Variants in CDK8 observed in about 807,000 individuals in gnomAD.
CDK8 encodes cyclin dependent kinase 8, also known as cyclin-dependent kinase 8.
Under a neutral mutation model 71.5 loss-of-function variants are expected in CDK8, and 29 were observed. That is an observed-to-expected ratio of 0.41 (90% CI 0.30 to 0.55). The LOEUF (loss-of-function observed/expected upper bound fraction) is 0.55. Ranked by LOEUF, CDK8 falls within the 20% of genes least tolerant of loss-of-function variation. The pLI is 0.37. For missense variants in CDK8, 288 were observed against 572.6 expected (o/e 0.50, Z 5.07); for synonymous variants, 161 against 192.1 (o/e 0.84, Z 1.34).
At chr13:26,384,377 A>C (rs1875373844) in intron 5 of CDK8, among the ~76,000 whole-genome samples, 1 of 152,204 alleles carries the variant, frequency 6.6e-6, no homozygotes. Flanking sequence ...AGGTGGTATG[A>C]ATAGTGATCA....
chr13:26,285,964 C>T, intron 1 of CDK8, among the ~76,000 whole-genome samples: 1 of 151,956 alleles, frequency 6.6e-6, no homozygotes, highest in Non-Finnish European at 1.5e-5. Context: ...GGAGGTGAAA[C>T]ATCTCTGCAA....
intron 4 of CDK8, 50 bp from the exon 5 acceptor site, chr13:26,382,764 A>T (rs1875290042): frequency 8.6e-7 from 1 of 1,157,662 alleles, no homozygotes; most frequent in South Asian, 1.4e-5. Flanking sequence ...TGTCTATTTA[A>T]AAGAAACCAC....
At position 26,319,346 on chromosome 13, in the gene CDK8, G is replaced by A. The variant is rs151029590; in HGVS notation, c.129-18221G>A. Among the ~76,000 whole-genome samples, 1,033 of 152,140 alleles carry A rather than the reference G, an allele frequency of 6.8e-3. 9 individuals carry two copies. The highest frequency in any genetic ancestry group is 0.022 in the South Asian group (104 of 4,824). Reference sequence around the variant, plus strand: ...CAGCTGGGCGTGGTGGCGGATGCCTGTAATTCCAGCTACTCAGGAGGCTGA... The same window carrying A: ...CAGCTGGGCGTGGTGGCGGATGCCTATAATTCCAGCTACTCAGGAGGCTGA... On this transcript the variant is annotated intron_variant, in intron 1 of 12. Transcript: ENST00000381527.
At chr13:26,336,657 C>CA (rs1410936602) in intron 1 of CDK8, among the ~76,000 whole-genome samples, 1 of 151,238 alleles carries the variant, frequency 6.6e-6, no homozygotes, top group Non-Finnish European at 1.5e-5. Context: ...GGGTTCACGC[C>CA]ATTCTCCTGC....
At chr13:26,373,859 GT>G (rs1157528969) in intron 4 of CDK8, among the ~76,000 whole-genome samples, 1 of 151,748 alleles carries the variant, frequency 6.6e-6, no homozygotes, top group Non-Finnish European at 1.5e-5. Flanking sequence ...GATAGTGTGT[GT>G]TTTTTTAAGT....
chr13:26,285,726 C>T (rs1340157661), intron 1 of CDK8, among the ~76,000 whole-genome samples: 2 of 152,164 alleles, frequency 1.3e-5, no homozygotes, highest in African/African-American at 4.8e-5. Flanking sequence ...ATGATATGAT[C>T]ATATACCTAG....
chr13:26,398,138 A>G (rs2138070126), intron 9 of CDK8, among the ~76,000 whole-genome samples: 1 of 152,148 alleles, frequency 6.6e-6, no homozygotes, highest in Admixed American at 6.5e-5. Context: ...ATCAGTTCAC[A>G]TTTTATATCA....
intron 1 of CDK8, among the ~76,000 whole-genome samples, chr13:26,263,423 C>T (rs1011180864): frequency 2.0e-5 from 3 of 151,936 alleles, no homozygotes; most frequent in Admixed American, 6.6e-5. Flanking sequence ...CGTGAGCCAC[C>T]GCGCCCGGCC....
chr13:26,264,754 T>G (rs1305898186), intron 1 of CDK8, among the ~76,000 whole-genome samples: 1 of 152,150 alleles, frequency 6.6e-6, no homozygotes, highest in Non-Finnish European at 1.5e-5. Flanking sequence ...CTAGTCCCCT[T>G]TATCTATTTT....
intron 1 of CDK8, among the ~76,000 whole-genome samples, chr13:26,311,318 T>G (rs1325651964): frequency 2.0e-5 from 3 of 151,402 alleles, no homozygotes; most frequent in East Asian, 2.0e-4. Flanking sequence ...ACTCTTCCCC[T>G]ACTTCTTTCT....
chr13:26,357,849 G>A (rs951225753), intron 4 of CDK8, among the ~76,000 whole-genome samples: 5 of 152,158 alleles, frequency 3.3e-5, no homozygotes, highest in African/African-American at 9.7e-5. Flanking sequence ...CAACTGATTC[G>A]ATGAGGCATA....
At chr13:26,322,652 C>T (rs1040804352) in intron 1 of CDK8, among the ~76,000 whole-genome samples, 1 of 152,080 alleles carries the variant, frequency 6.6e-6, no homozygotes, top group Non-Finnish European at 1.5e-5. Flanking sequence ...TGTTTACACT[C>T]GTGCTAAATT....
intron 7 of CDK8, among the ~76,000 whole-genome samples, chr13:26,395,789 T>G (rs1310013353): frequency 6.6e-6 from 1 of 152,132 alleles, no homozygotes. Flanking sequence ...CTTCCATTGA[T>G]TGCTTATGTA....
intron 1 of CDK8, among the ~76,000 whole-genome samples, chr13:26,260,891 T>A (rs939314952): frequency 6.6e-6 from 1 of 152,204 alleles, no homozygotes. Flanking sequence ...TTTCTTGTAG[T>A]GCCTTTCACT....
chr13:26,335,582 T>TC (rs1256397610), intron 1 of CDK8, among the ~76,000 whole-genome samples: 1 of 152,168 alleles, frequency 6.6e-6, no homozygotes. Context: ...AATGGAGCTA[T>TC]CACCTACCTG....
At chr13:26,349,971 A>G (rs1450448077) in intron 3 of CDK8, among the ~76,000 whole-genome samples, 1 of 152,190 alleles carries the variant, frequency 6.6e-6, no homozygotes, top group Non-Finnish European at 1.5e-5. Flanking sequence ...ATATGTTTAG[A>G]TAACACACTT....
chr13:26,375,943 C>T (rs1460688323), intron 4 of CDK8, among the ~76,000 whole-genome samples: 1 of 152,148 alleles, frequency 6.6e-6, no homozygotes, highest in Non-Finnish European at 1.5e-5. Flanking sequence ...TAATTTTACA[C>T]TGGCAATGGG....
At chr13:26,263,768 A>T (rs1411696013) in intron 1 of CDK8, among the ~76,000 whole-genome samples, 3 of 137,026 alleles carry the variant, frequency 2.2e-5, no homozygotes, top group Non-Finnish European at 4.6e-5. Flanking sequence ...TTTTTTCGAG[A>T]CGGAGTCTCG....
chr13:26,383,800 T>C (rs535892636), intron 5 of CDK8, among the ~76,000 whole-genome samples: 1 of 152,356 alleles, frequency 6.6e-6, no homozygotes, highest in East Asian at 1.9e-4. Context: ...CTGTTTTTGA[T>C]AAAACTTTGC....
Sources: allele counts gnomAD v4.1 joint callset (sites outside exome capture counted in the v4.1 genomes callset), GRCh38; gene constraint gnomAD v4.1.1; transcripts MANE v1.5; gene names NCBI Gene and HGNC (gene_info 2026-07-23, HGNC 2026-07-21).